Variants in KAT6B observed in about 807,000 individuals in gnomAD.
The protein encoded by KAT6B is histone acetyltransferase KAT6B.
Under a neutral mutation model 187.5 loss-of-function variants are expected in KAT6B, and 10 were observed. The observed-to-expected ratio is 0.05, with a 90% CI of 0.03 to 0.09. The LOEUF is 0.09. Ranked by LOEUF, KAT6B falls within the 10% of genes least tolerant of loss-of-function variation. KAT6B has a pLI of 1.00. For missense variants in KAT6B, 1,952 were observed against 2,558.9 expected, an observed-to-expected ratio of 0.76 and a Z score of 5.12; for synonymous variants, 861 against 926.8, an observed-to-expected ratio of 0.93 and a Z score of 1.29.
chr10:75,025,600 AATC>A (rs1320715638), intron 17 of KAT6B: 1 of 281,740 alleles, frequency 3.5e-6, no homozygotes, highest in African/African-American at 2.2e-5. Context: ...TTATTTCTGA[AATC>A]AAGGTATATA....
intron 3 of KAT6B, among the ~76,000 whole-genome samples, chr10:74,947,432 C>T (rs112163884): frequency 1.2e-4 from 18 of 152,124 alleles, no homozygotes; most frequent in African/African-American, 4.3e-4. Context: ...CATTTATATG[C>T]TAAAGTAAGA....
rs1488953575 is a variant in KAT6B at position 74,891,687 on chromosome 10, A to AT, written c.621+48216dup. On this transcript the variant is annotated intron_variant, in intron 3 of 17. Coordinates refer to ENST00000287239, the MANE Select transcript of KAT6B (RefSeq NM_012330.4). ...GATTTTAGCCCTTCTGGGAGCTTTT[A>AT]TTTTTTTGTTGACTCTGACTGATGA... is the stretch of plus-strand genomic sequence containing the variant. 2.0e-5 allele frequency among the ~76,000 whole-genome samples: 3 copies of AT among 152,132 alleles called. No homozygotes were observed. The East Asian group carries it at 5.8e-4, about 29-fold the overall frequency.
At chr10:75,024,560 G>T (rs1274434127) in intron 16 of KAT6B, among the ~76,000 whole-genome samples, 2 of 152,198 alleles carry the variant, frequency 1.3e-5, no homozygotes, top group Admixed American at 6.5e-5. Flanking sequence ...TTAACCCAGT[G>T]GCTAGTTAAT....
chr10:75,028,363 C>G (rs1001773998), intron 17 of KAT6B, 126 bp from the exon 18 acceptor site: 1 of 1,397,426 alleles, frequency 7.2e-7, no homozygotes, highest in African/African-American at 1.4e-5. Flanking sequence ...TCTTTACCAT[C>G]AACTTTTAAC....
intron 13 of KAT6B, among the ~76,000 whole-genome samples, chr10:74,998,281 C>T (rs774917938): frequency 7.2e-5 from 11 of 152,084 alleles, no homozygotes; most frequent in Non-Finnish European, 1.6e-4. Context: ...GGAATTCATT[C>T]TAGGGAAATC....
chr10:74,895,884 T>C (rs1845953135), intron 3 of KAT6B, among the ~76,000 whole-genome samples: 1 of 152,154 alleles, frequency 6.6e-6, no homozygotes, highest in Non-Finnish European at 1.5e-5. Flanking sequence ...CCCCTTCCTA[T>C]GTCCAAAGAT....
chr10:74,936,404 A>G (rs1430661948), intron 3 of KAT6B, among the ~76,000 whole-genome samples: 1 of 145,332 alleles, frequency 6.9e-6, no homozygotes, highest in Non-Finnish European at 1.5e-5. Flanking sequence ...CTCCATCTCA[A>G]AAAAAAAAAA....
intron 3 of KAT6B, among the ~76,000 whole-genome samples, chr10:74,903,395 G>A (rs1846536428): frequency 1.3e-5 from 2 of 152,204 alleles, no homozygotes; most frequent in African/African-American, 4.8e-5. Context: ...ATATTCTCCA[G>A]CAGGTGGGAA....
intron 3 of KAT6B, among the ~76,000 whole-genome samples, chr10:74,930,203 G>A (rs755767279): frequency 1.6e-4 from 24 of 152,160 alleles, no homozygotes; most frequent in Non-Finnish European, 2.2e-4. Flanking sequence ...GATTATAGCT[G>A]TGAGCCACTG....
chr10:75,019,107 A>C (rs1042971130), intron 13 of KAT6B, among the ~76,000 whole-genome samples: 1 of 152,156 alleles, frequency 6.6e-6, no homozygotes, highest in African/African-American at 2.4e-5. Flanking sequence ...AGCATTCCTG[A>C]CACACTGCTA....
At chr10:74,966,804 A>T (rs1841505399) in intron 4 of KAT6B, among the ~76,000 whole-genome samples, 1 of 152,108 alleles carries the variant, frequency 6.6e-6, no homozygotes, top group Admixed American at 6.6e-5. Context: ...AGGCTGGTGG[A>T]TTCTTGAGGC....
intron 3 of KAT6B, among the ~76,000 whole-genome samples, chr10:74,897,914 A>G (rs774199302): frequency 2.6e-5 from 4 of 152,224 alleles, no homozygotes; most frequent in African/African-American, 7.2e-5. Flanking sequence ...GCAATTAGCT[A>G]TAATTCATTT....
intron 1 of KAT6B, among the ~76,000 whole-genome samples, chr10:74,828,052 G>A (rs577340172): frequency 3.3e-5 from 5 of 152,252 alleles, no homozygotes; most frequent in African/African-American, 1.2e-4. Flanking sequence ...CATACCTTGG[G>A]ATAGGACATT....
At chr10:74,953,536 A>G (rs185099209) in intron 3 of KAT6B, among the ~76,000 whole-genome samples, 1 of 152,194 alleles carries the variant, frequency 6.6e-6, no homozygotes, top group Non-Finnish European at 1.5e-5. Context: ...CTGTGGTGCA[A>G]ATATGAACAT....
At chr10:74,942,128 C>T (rs1323335455) in intron 3 of KAT6B, among the ~76,000 whole-genome samples, 1 of 151,918 alleles carries the variant, frequency 6.6e-6, no homozygotes, top group Non-Finnish European at 1.5e-5. Context: ...CTGGCCTCGG[C>T]GACAGAGTGA....
intron 13 of KAT6B, among the ~76,000 whole-genome samples, chr10:75,012,913 A>G (rs1175164259): frequency 6.6e-6 from 1 of 152,198 alleles, no homozygotes; most frequent in Non-Finnish European, 1.5e-5. Flanking sequence ...TGGACTTGAA[A>G]GGATGGGGAC....
chr10:74,983,504 A>G (rs901891286), intron 11 of KAT6B: 3 of 152,232 alleles, frequency 2.0e-5, no homozygotes, highest in Admixed American at 6.5e-5. Context: ...CAGCTTTCCT[A>G]TTGGCTCCTT....
intron 3 of KAT6B, among the ~76,000 whole-genome samples, chr10:74,903,300 A>T (rs1179134609): frequency 6.6e-6 from 1 of 152,154 alleles, no homozygotes; most frequent in Non-Finnish European, 1.5e-5. Flanking sequence ...CATGTTTGAG[A>T]TATCACCCAT....
chr10:75,031,536 T>G lies in KAT6B; in HGVS notation c.*490T>G. On this transcript the variant is annotated 3_prime_UTR_variant, in exon 18 of 18. Coordinates refer to ENST00000287239, the MANE Select transcript of KAT6B (RefSeq NM_012330.4). ...TTGTTAGTGACAGTGCATTTTGTAG[T>G]ACTGTACAAGTGTTGTGCTAACAGT... 1 of 266,250 alleles carries G rather than the reference T, an allele frequency of 3.8e-6. No individual in the cohort carries two copies. The highest frequency in any genetic ancestry group is 7.2e-6 in the Non-Finnish European group (1 of 138,104). 16.5% of individuals were successfully genotyped at this position (266,250 alleles called of 1,614,324 possible). A position where few individuals can be genotyped will look rare whatever the true frequency, so the allele number is the denominator to read the frequency against.
Sources: gnomAD v4.1 joint callset for allele counts (sites outside exome capture counted in the v4.1 genomes callset) on GRCh38, gnomAD v4.1.1 for gene constraint, MANE v1.5 for transcripts, NCBI Gene and HGNC (gene_info 2026-07-23, HGNC 2026-07-21) for gene names.